The following PIK3C2G variants were observed in gnomAD, a reference collection of about 807,000 sequenced individuals.
PIK3C2G encodes phosphatidylinositol 3-kinase C2 domain-containing subunit gamma.
PIK3C2G carries 168 observed loss-of-function variants against 181.1 expected under a neutral mutation model. That is an observed-to-expected ratio of 0.93 (90% confidence interval 0.82 to 1.05). The LOEUF (loss-of-function observed/expected upper bound fraction) is 1.05, where lower values mean the gene tolerates loss of function less well. Ranked by LOEUF, PIK3C2G falls within the 50% of genes least tolerant of loss-of-function variation. The pLI is 0.00. For missense variants in PIK3C2G, 1,869 were observed against 1,732.8 expected (o/e 1.08, Z -1.40); for synonymous variants, 573 against 592.2 (o/e 0.97, Z 0.47).
rs544233281 is a variant in PIK3C2G, at chr12:18,599,685, A to T, written c.4087+5116A>T. ...GAATAAATAAATAAATATAAATAAA[A>T]AAAAATAAAAATAAAAATAAAGAAA... On this transcript the variant is annotated intron_variant, in intron 30 of 32. Transcript: ENST00000538779. Among the ~76,000 whole-genome samples the T allele has an allele frequency of 9.3e-3, 922 of 99,510 alleles. 3 individuals are homozygous for T. The highest frequency in any genetic ancestry group is 0.013 in the African/African-American group (347 of 26,480). 65.3% of individuals were successfully genotyped at this position (99,510 alleles called of 152,430 possible). A position where few individuals can be genotyped will look rare whatever the true frequency, so the allele number is the denominator to read the frequency against.
At chr12:18,261,380 C>CT (rs1027089536), upstream of PIK3C2G, among the ~76,000 whole-genome samples, 9 of 151,174 alleles carry the variant, frequency 6.0e-5, no homozygotes, top group South Asian at 1.0e-3. Flanking sequence ...AACCTTTTTT[C>CT]TTTTTTTTTC....
chr12:18,665,069 G>A, the PIK3C2G span, among the ~76,000 whole-genome samples: 9 of 151,142 alleles, frequency 6.0e-5, no homozygotes, highest in South Asian at 1.7e-3. Context: ...ATGACGAGTT[G>A]ATGGGTGCAG....
rs1947250041 is a variant in PIK3C2G, at chr12:18,594,501, G to C, written c.4019G>C (p.Cys1340Ser). Reference sequence around the variant, plus strand: ...TTTCATTTTGTTTTTCAGAGTGATTGTGTACTTAGCTTTTTCCTCTCTGAG... The same window carrying C: ...TTTCATTTTGTTTTTCAGAGTGATTCTGTACTTAGCTTTTTCCTCTCTGAG... ...NVSHEVTNSDCVLSFFLSEAV... is the reference protein window; with the variant it reads ...NVSHEVTNSDSVLSFFLSEAV... Residue 1340 changes from cysteine (C) to serine (S), a missense_variant, in exon 30 of 33, where the codon TGT (cysteine) becomes TCT (serine). Transcript: ENST00000538779. 6.5e-7 allele frequency: 1 copy of C among 1,549,000 alleles called. No individual in the cohort carries two copies. The highest frequency in any genetic ancestry group is 8.7e-7 in the Non-Finnish European group (1 of 1,151,108).
At chr12:18,360,308 G>C (rs943591338) in intron 11 of PIK3C2G, among the ~76,000 whole-genome samples, 1 of 151,982 alleles carries the variant, frequency 6.6e-6, no homozygotes, top group Non-Finnish European at 1.5e-5. Context: ...TGTTATTGAT[G>C]TTAAAAATTA....
intron 15 of PIK3C2G, among the ~76,000 whole-genome samples, chr12:18,397,178 G>A (rs1280824014): frequency 6.6e-6 from 1 of 151,782 alleles, no homozygotes; most frequent in African/African-American, 2.4e-5. Flanking sequence ...AATGAAAAAT[G>A]TACTTTCAGC....
intron 5 of PIK3C2G, among the ~76,000 whole-genome samples, chr12:18,299,678 T>C (rs889041898): frequency 2.6e-4 from 40 of 151,934 alleles, no homozygotes; most frequent in African/African-American, 9.7e-4. Context: ...AATGGTGGGT[T>C]TGTCATATTA....
downstream of PIK3C2G, among the ~76,000 whole-genome samples, chr12:18,651,143 C>T (rs1950498024): frequency 6.6e-6 from 1 of 152,034 alleles, no homozygotes; most frequent in South Asian, 2.1e-4. Context: ...ATTCAATCAA[C>T]ACTGGCCTCC....
intron 13 of PIK3C2G, among the ~76,000 whole-genome samples, chr12:18,373,685 TAAAAAAATACA>T: frequency 6.6e-6 from 1 of 151,898 alleles, no homozygotes; most frequent in East Asian, 1.9e-4. Flanking sequence ...CCGTATCTAC[TAAAAAAATACA>T]AAAAAAATTA....
intron 5 of PIK3C2G, among the ~76,000 whole-genome samples, chr12:18,313,732 A>G (rs1192398533): frequency 6.6e-6 from 1 of 152,052 alleles, no homozygotes; most frequent in African/African-American, 2.4e-5. Context: ...ACATTTCATC[A>G]TTTATATCTA....
the PIK3C2G span, among the ~76,000 whole-genome samples, chr12:18,659,663 C>CTTTTTT: frequency 7.5e-6 from 1 of 133,822 alleles, no homozygotes; most frequent in Non-Finnish European, 1.6e-5. Flanking sequence ...GTTCTCCATT[C>CTTTTTT]TTTTTTTTTT....
intron 3 of PIK3C2G, among the ~76,000 whole-genome samples, chr12:18,287,808 G>A (rs1297250526): frequency 1.3e-5 from 2 of 151,574 alleles, no homozygotes; most frequent in Admixed American, 1.3e-4. Flanking sequence ...AGCTTGCAGT[G>A]AGCTGTCACA....
At chr12:18,557,840 C>T (rs1035384370) in intron 26 of PIK3C2G, among the ~76,000 whole-genome samples, 1 of 152,038 alleles carries the variant, frequency 6.6e-6, no homozygotes, top group African/African-American at 2.4e-5. Context: ...ATAACTCCAA[C>T]AAAAAATATG....
intron 26 of PIK3C2G, among the ~76,000 whole-genome samples, chr12:18,556,047 C>T (rs184435881): frequency 6.6e-6 from 1 of 152,268 alleles, no homozygotes; most frequent in East Asian, 1.9e-4. Context: ...TTTGGTTTCT[C>T]TTCTTTACCT....
rs530947459 is a variant in PIK3C2G, at chr12:18,303,019, C to T, written c.1034+9004C>T. Reference sequence around the variant, plus strand: ...CAGAGCAGGCCTGTCCTCAGACCCCCCAGTGGTACACACAGATGCAGTAGG... The same window carrying T: ...CAGAGCAGGCCTGTCCTCAGACCCCTCAGTGGTACACACAGATGCAGTAGG... On this transcript the variant is annotated intron_variant, in intron 5 of 32. Coordinates refer to ENST00000538779, the MANE Select transcript of PIK3C2G (RefSeq NM_001288772.2). Among the ~76,000 whole-genome samples, 111 of 152,244 alleles carry T rather than the reference C, an allele frequency of 7.3e-4. 1 individual carries two copies. Among genetic ancestry groups the T allele is most frequent in the Non-Finnish European group, 1.3e-3 (91 of 68,012 alleles).
At chr12:18,703,242 C>T in the PIK3C2G span, among the ~76,000 whole-genome samples, 2 of 152,092 alleles carry the variant, frequency 1.3e-5, no homozygotes, top group African/African-American at 2.4e-5. Flanking sequence ...ACAAAAGAAC[C>T]GTGGTCTTTC....
intron 24 of PIK3C2G, among the ~76,000 whole-genome samples, chr12:18,531,347 G>C (rs993802948): frequency 6.6e-5 from 10 of 152,176 alleles, no homozygotes; most frequent in African/African-American, 2.4e-4. Context: ...ATATGCAGTT[G>C]TAATAAATAA....
the PIK3C2G span, among the ~76,000 whole-genome samples, chr12:18,704,584 C>G: frequency 2.0e-5 from 3 of 152,066 alleles, no homozygotes; most frequent in Non-Finnish European, 2.9e-5. Context: ...TCCTCAGCCT[C>G]CCAAGGTGCT....
chr12:18,297,434 G>C (rs920971663), intron 5 of PIK3C2G, among the ~76,000 whole-genome samples: 8 of 151,826 alleles, frequency 5.3e-5, no homozygotes, highest in African/African-American at 1.9e-4. Context: ...ATATTCATGA[G>C]GTACATGTGA....
chr12:18,346,420 T>A (rs915735300), intron 10 of PIK3C2G, among the ~76,000 whole-genome samples: 1 of 152,192 alleles, frequency 6.6e-6, no homozygotes, highest in Non-Finnish European at 1.5e-5. Flanking sequence ...CTTCCAAGAT[T>A]TCTGCAGCTG....
Sources: allele counts gnomAD v4.1 joint callset (sites outside exome capture counted in the v4.1 genomes callset), GRCh38; gene constraint gnomAD v4.1.1; transcripts MANE v1.5; gene names NCBI Gene and HGNC (gene_info 2026-07-23, HGNC 2026-07-21).